Variants in ANKRD30B observed in about 807,000 individuals in gnomAD.
ANKRD30B encodes ankyrin repeat domain-containing protein 30B.
ANKRD30B carries 144 observed loss-of-function variants against 202.2 expected under a neutral mutation model. That is an observed-to-expected ratio of 0.71 (90% CI 0.62 to 0.82). The LOEUF (loss-of-function observed/expected upper bound fraction) is 0.82. ANKRD30B is among the 40% of genes least tolerant of loss of function. The pLI is 0.00. For synonymous variants in ANKRD30B, 508 were observed against 561.3 expected (o/e 0.91, Z 1.34); for missense variants, 1,487 against 1,669.1 (o/e 0.89, Z 1.90).
At chr18:14,758,069 T>G (rs1350970430) in intron 5 of ANKRD30B, 117 bp downstream of exon 5, 19 of 1,096,528 alleles carry the variant, frequency 1.7e-5, no homozygotes, top group Non-Finnish European at 2.6e-6. Context: ...GCCAGACTAG[T>G]TAGAAGGAGT....
the ANKRD30B span, among the ~76,000 whole-genome samples, chr18:14,901,551 C>T: frequency 8.7e-6 from 1 of 115,144 alleles, no homozygotes; most frequent in Non-Finnish European, 1.9e-5. Context: ...AGAGTCAAGA[C>T]AAAGTTTTTT....
At chr18:14,823,397 T>G (rs1970532100) in intron 32 of ANKRD30B, among the ~76,000 whole-genome samples, 1 of 150,886 alleles carries the variant, frequency 6.6e-6, no homozygotes, top group South Asian at 2.1e-4. Flanking sequence ...TTACTTTGAA[T>G]AAAGTTTCAC....
At chr18:14,926,295 G>GC in the ANKRD30B span, among the ~76,000 whole-genome samples, 2 of 152,236 alleles carry the variant, frequency 1.3e-5, no homozygotes, top group Non-Finnish European at 2.9e-5. Flanking sequence ...GACATGAAAA[G>GC]AACAAGAAAT....
intron 30 of ANKRD30B, among the ~76,000 whole-genome samples, chr18:14,820,261 G>A (rs1213597319): frequency 2.0e-5 from 3 of 152,102 alleles, no homozygotes; most frequent in African/African-American, 7.2e-5. Flanking sequence ...GGAGATTTTG[G>A]GTTGAGACAA....
chr18:14,924,656 G>C, the ANKRD30B span, among the ~76,000 whole-genome samples: 1 of 152,374 alleles, frequency 6.6e-6, no homozygotes, highest in East Asian at 1.9e-4. Flanking sequence ...AGGGCCCTGG[G>C]CTACAGACAG....
intron 39 of ANKRD30B, among the ~76,000 whole-genome samples, chr18:14,847,423 C>G (rs1971695351): frequency 6.9e-6 from 1 of 145,392 alleles, no homozygotes; most frequent in South Asian, 2.2e-4. Context: ...TTTTCTGTCT[C>G]TCCTTCTACC....
intron 14 of ANKRD30B, 146 bp from the exon 15 acceptor site, chr18:14,786,892 GA>G (rs1322735888): frequency 1.5e-6 from 1 of 654,042 alleles, no homozygotes; most frequent in African/African-American, 1.9e-5. Flanking sequence ...AGTGACTATA[GA>G]AGTAGTCACT....
chr18:14,805,397 C>T (rs1322815690), intron 24 of ANKRD30B, among the ~76,000 whole-genome samples: 1 of 150,850 alleles, frequency 6.6e-6, no homozygotes, highest in Non-Finnish European at 1.5e-5. Flanking sequence ...TTTGCTGTTC[C>T]TGATGAGGTT....
rs781179174 is a variant in ANKRD30B, at chr18:14,851,837, A to G, written c.3893A>G (p.His1298Arg). 70 of 1,593,868 alleles carry G rather than the reference A, an allele frequency of 4.4e-5. 3 individuals carry two copies. In the South Asian group the frequency reaches 7.1e-4, roughly 16 times the overall value. ...EILETEIESH[H>R]PRLASALQDH... is the part of the protein sequence containing the mutation. The stretch of plus-strand genomic sequence containing the variant: ...CTGGAGACAGAAATTGAATCACACC[A>G]TCCTAGACTGGCTTCTGCTTTACAA... The change falls in exon 42 of 44, where the codon CAT becomes CGT. Residue 1298 changes from histidine to arginine, a missense_variant. Around this residue, in one of 6 missense-constraint regions of ANKRD30B, gnomAD observed 21 missense variants for 57.2 expected, o/e 0.37. Transcript: ENST00000690538.
intron 6 of ANKRD30B, among the ~76,000 whole-genome samples, chr18:14,762,701 T>C (rs1915445739): frequency 1.3e-5 from 2 of 152,148 alleles, no homozygotes; most frequent in South Asian, 4.1e-4. Context: ...CACAAAAAAT[T>C]ATAAAAAAAT....
chr18:14,868,631 C>A, the ANKRD30B span, among the ~76,000 whole-genome samples: 2 of 152,236 alleles, frequency 1.3e-5, no homozygotes, highest in Non-Finnish European at 2.9e-5. Context: ...ACCCTTTGGG[C>A]CACCTAGTTT....
intron 3 of ANKRD30B, 93 bp from the exon 4 acceptor site, chr18:14,754,806 T>C (rs756518089): frequency 1.7e-5 from 14 of 827,922 alleles, no homozygotes; most frequent in Non-Finnish European, 2.4e-5. Flanking sequence ...TTCTACTTTA[T>C]GTGTTTAAGT....
In ANKRD30B at chr18:14,752,568, C is replaced by G; in HGVS notation, c.224C>G (p.Thr75Ser). The G allele has an allele frequency of 1.2e-6, 2 of 1,609,734 alleles. No individual in the cohort carries two copies. The highest frequency in any genetic ancestry group is 1.7e-6 in the Non-Finnish European group (2 of 1,178,050). ...NLNKRDMKKR[T>S]ALHWACVNGH... ...TAAAAGTCCTCTCACTCTCGTAGGA[C>G]TGCTCTACACTGGGCCTGTGTCAAT... is the stretch of plus-strand genomic sequence containing the variant. The change falls in exon 2 of 44, where the codon ACT becomes AGT. Residue 75 changes from threonine (T) to serine (S), a missense_variant and splice_region_variant. By Grantham distance (58) the Thr-to-Ser change is moderately conservative (BLOSUM62 1). Around this residue, in one of 6 missense-constraint regions of ANKRD30B, gnomAD observed 889 missense variants for 841.4 expected, o/e 1.06. Transcript: ENST00000690538.
intron 8 of ANKRD30B, among the ~76,000 whole-genome samples, chr18:14,770,110 T>C (rs1966900010): frequency 2.0e-5 from 3 of 152,248 alleles, no homozygotes; most frequent in African/African-American, 7.2e-5. Context: ...ATTTTTTTTC[T>C]AGAGTCTTTT....
At chr18:14,757,058 AT>A (rs147870215) in intron 4 of ANKRD30B, among the ~76,000 whole-genome samples, 16,481 of 152,016 alleles carry the variant, frequency 0.11, 1,168 homozygotes, top group Non-Finnish European at 0.15. Flanking sequence ...TGAATTTATT[AT>A]TTTTTTCATT....
intron 6 of ANKRD30B, among the ~76,000 whole-genome samples, chr18:14,761,196 G>A (rs902152131): frequency 2.6e-5 from 4 of 152,026 alleles, no homozygotes; most frequent in East Asian, 1.9e-4. Context: ...TATAACCTGC[G>A]GGGGTCTATC....
chr18:14,873,202 T>C, the ANKRD30B span, among the ~76,000 whole-genome samples: 7 of 152,132 alleles, frequency 4.6e-5, no homozygotes, highest in Non-Finnish European at 5.9e-5. Flanking sequence ...TATTGAATTG[T>C]TTAAACAATA....
chr18:14,892,068 G>C, the ANKRD30B span, among the ~76,000 whole-genome samples: 2 of 152,210 alleles, frequency 1.3e-5, no homozygotes, highest in Non-Finnish European at 2.9e-5. Flanking sequence ...GGAGTAGTTG[G>C]TTTCTAAAGG....
In ANKRD30B at chr18:14,791,385, A is replaced by G; in HGVS notation, c.1735-16A>G. On this transcript the variant is annotated splice_polypyrimidine_tract_variant and intron_variant, in intron 15 of 43. Transcript: ENST00000690538. Reference sequence around the variant, plus strand: ...ATTTTTTCATTGAAATTATTTATTGATATTACTTTTAACAGAGTCCCTGTG... The same window carrying G: ...ATTTTTTCATTGAAATTATTTATTGGTATTACTTTTAACAGAGTCCCTGTG... 1 of 1,570,400 alleles carries G rather than the reference A, an allele frequency of 6.4e-7. No homozygotes were observed. The highest frequency in any genetic ancestry group is 1.2e-5 in the South Asian group (1 of 85,454).
Sources: gnomAD v4.1 joint callset for allele counts (sites outside exome capture counted in the v4.1 genomes callset) on GRCh38, gnomAD v4.1.1 for gene constraint, gnomAD v4.1.1 regional missense constraint, MANE v1.5 for transcripts, NCBI Gene and HGNC (gene_info 2026-07-23, HGNC 2026-07-21) for gene names.